PUM2: variants seen among roughly 807,000 people sequenced by gnomAD.
PUM2 encodes pumilio homolog 2.
Under a neutral mutation model 124.5 loss-of-function variants are expected in PUM2, and 57 were observed. The ratio of observed to expected loss-of-function variants is 0.46; its 90% confidence interval spans 0.37 to 0.57. The LOEUF is 0.57. Among genes scored for constraint, PUM2 ranks in the 20% least tolerant of loss-of-function variants. The pLI is 0.00. For synonymous variants in PUM2, 460 were observed against 446.1 expected, an observed-to-expected ratio of 1.03 and a Z score of -0.39; for missense variants, 1,065 against 1,290.6, an observed-to-expected ratio of 0.83 and a Z score of 2.68.
intron 6 of PUM2, 92 bp downstream of exon 6, chr2:20,308,222 A>T: frequency 6.7e-7 from 1 of 1,497,104 alleles, no homozygotes; most frequent in African/African-American, 1.4e-5. Context: ...GTACTCAAAA[A>T]CCCCTACCAT....
chr2:20,323,666 A>T (rs530271347), intron 2 of PUM2, among the ~76,000 whole-genome samples: 1 of 152,178 alleles, frequency 6.6e-6, no homozygotes, highest in African/African-American at 2.4e-5. Flanking sequence ...TCCTAGCGGG[A>T]TGATGAAAAC....
intron 8 of PUM2, among the ~76,000 whole-genome samples, chr2:20,294,971 A>T (rs1675168150): frequency 6.6e-6 from 1 of 152,238 alleles, no homozygotes; most frequent in African/African-American, 2.4e-5. Context: ...TCTGGTACCA[A>T]GCATGCTACA....
intron 1 of PUM2, chr2:20,333,149 T>C (rs1255863152): frequency 1.3e-5 from 2 of 152,220 alleles, no homozygotes; most frequent in Non-Finnish European, 2.9e-5. Context: ...AGGCAGATTA[T>C]TACTAATGAT....
At chr2:20,336,681 TTGTGTGTGTGTGTGTG>T (rs113658730) in intron 1 of PUM2, among the ~76,000 whole-genome samples, 6 of 131,486 alleles carry the variant, frequency 4.6e-5, no homozygotes, top group Non-Finnish European at 7.9e-5. Flanking sequence ...CCTGGCTAAT[TTGTGTGTGTGTGTGTG>T]TGTGTGTGTG....
At chr2:20,304,468 G>A (rs960111898) in intron 7 of PUM2, among the ~76,000 whole-genome samples, 2 of 152,130 alleles carry the variant, frequency 1.3e-5, no homozygotes, top group African/African-American at 4.8e-5. Flanking sequence ...TCAAACACAT[G>A]AAAATTATTT....
intron 4 of PUM2, 33 bp from the exon 5 acceptor site, chr2:20,311,696 T>C (rs762639396): frequency 6.3e-7 from 1 of 1,595,126 alleles, no homozygotes; most frequent in East Asian, 2.2e-5. Flanking sequence ...ATTCTGAATA[T>C]TTAATAGAAC....
chr2:20,305,463 G>GGAA (rs1491350409), intron 7 of PUM2, among the ~76,000 whole-genome samples: 1 of 46,154 alleles, frequency 2.2e-5, no homozygotes, highest in African/African-American at 9.6e-5. Context: ...CCCTGTCTTC[G>GGAA]AAAAAAAAAA....
At chr2:20,317,637 G>C (rs530005936) in intron 3 of PUM2, among the ~76,000 whole-genome samples, 9 of 152,176 alleles carry the variant, frequency 5.9e-5, no homozygotes, top group Non-Finnish European at 8.8e-5. Context: ...TTGGTGTACA[G>C]ATTATTTCAT....
chr2:20,308,334 C>A lies in PUM2; in HGVS notation c.769G>T (p.Asp257Tyr). The stretch of plus-strand genomic sequence containing the variant: ...TTTACCTGCTGCTGGGAATTGTAGT[C>A]AAAAAGGCCTACAGTAGCTCCTGAA... ...DSSGATVGLF[D>Y]YNSQQQLFQR... The change falls in exon 6 of 21, where the codon GAC becomes TAC. Residue 257 changes from aspartate (D) to tyrosine (Y), a missense_variant. Asp to Tyr is a radical substitution (Grantham distance 160, BLOSUM62 -3). Transcript: ENST00000361078. 1 of 1,613,562 alleles carries A rather than the reference C, an allele frequency of 6.2e-7. No individual in the cohort carries two copies. Among genetic ancestry groups the A allele is most frequent in the South Asian group, 1.1e-5 (1 of 91,014 alleles).
intron 1 of PUM2, among the ~76,000 whole-genome samples, chr2:20,336,453 G>A (rs2148997333): frequency 6.6e-6 from 1 of 151,952 alleles, no homozygotes; most frequent in South Asian, 2.1e-4. Flanking sequence ...CTCCCAAAAT[G>A]CTAGCATTAC....
chr2:20,256,016 C>A lies in PUM2; in HGVS notation c.2622+17G>T. The A allele has an allele frequency of 6.6e-7, 1 of 1,513,090 alleles. No individual in the cohort carries two copies. The highest frequency in any genetic ancestry group is 8.8e-7 in the Non-Finnish European group (1 of 1,135,440). 93.7% of individuals were successfully genotyped at this position (1,513,090 alleles called of 1,614,324 possible). A position where few individuals can be genotyped will look rare whatever the true frequency, so the allele number is the denominator to read the frequency against. On this transcript the variant is annotated intron_variant, in intron 17 of 20. Coordinates refer to ENST00000361078, the MANE Select transcript of PUM2 (RefSeq NM_015317.5). ...TAATGCCCTGCTAACAAATTATAAGCCAAAACTCAAACATACTTGTCCCTT... is the reference window on the plus strand; with the variant it reads ...TAATGCCCTGCTAACAAATTATAAGACAAAACTCAAACATACTTGTCCCTT...
intron 5 of PUM2, 51 bp downstream of exon 5, chr2:20,311,443 A>T: frequency 6.6e-7 from 1 of 1,513,706 alleles, no homozygotes; most frequent in Non-Finnish European, 9.0e-7. Flanking sequence ...AACTAATAGT[A>T]ATAATCCCTA....
At chr2:20,259,372 C>T (rs1036294830) in intron 15 of PUM2, among the ~76,000 whole-genome samples, 2 of 152,230 alleles carry the variant, frequency 1.3e-5, no homozygotes, top group African/African-American at 4.8e-5. Context: ...ATCACTATCA[C>T]TATTTGTTTC....
Position 20,278,776 on chromosome 2 carries a change from T to TAA in PUM2, c.1763_1764insTT (p.Ser589TyrfsTer15). On this transcript the variant is annotated frameshift_variant, in exon 13 of 21. Coordinates refer to ENST00000361078, the MANE Select transcript of PUM2 (RefSeq NM_015317.5). LOFTEE classifies it high-confidence loss of function. ...TTTTGTACAAGTCAGAGCTAGTAGATAGAGACTCTCTCCTTGTGGCACTAC... is the reference window on the plus strand; with the variant it reads ...TTTTGTACAAGTCAGAGCTAGTAGATAAAGAGACTCTCTCCTTGTGGCACTAC... 1.9e-6 allele frequency: 3 copies of TAA among 1,613,438 alleles called. No individual in the cohort carries two copies. Among genetic ancestry groups the TAA allele is most frequent in the Non-Finnish European group, 2.5e-6 (3 of 1,179,628 alleles).
Position 20,255,202 on chromosome 2 carries a change from T to G in PUM2, c.2748+14A>C. 1.3e-6 allele frequency: 2 copies of G among 1,572,064 alleles called. No individual in the cohort carries two copies. The highest frequency in any genetic ancestry group is 2.3e-5 in the South Asian group (2 of 85,928). On this transcript the variant is annotated intron_variant, in intron 18 of 20. Coordinates refer to ENST00000361078, the MANE Select transcript of PUM2 (RefSeq NM_015317.5). ...AAAATATATAAACATTTCAAATTATTAGGGAATTTATACCTGTACCAACTG... is the reference window on the plus strand; with the variant it reads ...AAAATATATAAACATTTCAAATTATGAGGGAATTTATACCTGTACCAACTG...
intron 1 of PUM2, among the ~76,000 whole-genome samples, chr2:20,343,925 G>A (rs1253368432): frequency 6.6e-6 from 1 of 151,656 alleles, no homozygotes; most frequent in African/African-American, 2.4e-5. Flanking sequence ...TGAGACACCC[G>A]CCCTCATCCC....
Position 20,290,776 on chromosome 2 carries a change from TCCAGC to T in PUM2, c.1162_1166del (p.Ala388SerfsTer53). On this transcript the variant is annotated frameshift_variant, in exon 10 of 21. Transcript: ENST00000361078. LOFTEE classifies it high-confidence loss of function. ...TGGGAGTAAGAGGACGCTGACCTGC[TCCAGC>T]ACGGAGAACCTACAAAGGTAAAATG... 1 of 1,598,044 alleles carries T rather than the reference TCCAGC, an allele frequency of 6.3e-7. No homozygotes were observed. Among genetic ancestry groups the T allele is most frequent in the Non-Finnish European group, 8.5e-7 (1 of 1,174,852 alleles).
At chr2:20,273,277 T>C (rs1669459259) in intron 13 of PUM2, among the ~76,000 whole-genome samples, 1 of 152,242 alleles carries the variant, frequency 6.6e-6, no homozygotes, top group Non-Finnish European at 1.5e-5. Context: ...CCACAATCAT[T>C]GTAACGAGCA....
At chr2:20,336,746 A>ATGTGTGTGTG (rs1491533264) in intron 1 of PUM2, among the ~76,000 whole-genome samples, 3 of 87,312 alleles carry the variant, frequency 3.4e-5, no homozygotes, top group African/African-American at 4.8e-5. Flanking sequence ...GCCCAGGCTG[A>ATGTGTGTGTG]TCTGTGTGTG....
Sources: gnomAD v4.1 joint callset for allele counts (sites outside exome capture counted in the v4.1 genomes callset) on GRCh38, gnomAD v4.1.1 for gene constraint, MANE v1.5 for transcripts, NCBI Gene and HGNC (gene_info 2026-07-23, HGNC 2026-07-21) for gene names.